PTPRD: variants seen among roughly 807,000 people sequenced by gnomAD.
The protein encoded by PTPRD is receptor-type tyrosine-protein phosphatase delta.
In PTPRD, 34 loss-of-function variants were observed where a neutral mutation model predicts 214.5. The ratio of observed to expected loss-of-function variants is 0.16; its 90% CI spans 0.12 to 0.21. The LOEUF is 0.21. Ranked by LOEUF, PTPRD falls within the 10% of genes least tolerant of loss-of-function variation. The probability of loss-of-function intolerance (pLI) is 1.00; values close to 1 mark genes in which losing one functional copy is unlikely to be tolerated. For synonymous variants in PTPRD, 1,128 were observed against 845.7 expected (o/e 1.33, Z -5.79); for missense variants, 2,545 against 2,398.7 (o/e 1.06, Z -1.27).
At chr9:10,365,081 A>G (rs992508855) in intron 2 of PTPRD, among the ~76,000 whole-genome samples, 1 of 152,110 alleles carries the variant, frequency 6.6e-6, no homozygotes, top group African/African-American at 2.4e-5. Flanking sequence ...TATTAATTTT[A>G]CCTCAGGCGA....
At chr9:9,592,321 A>T (rs1288874737) in intron 7 of PTPRD, among the ~76,000 whole-genome samples, 1 of 152,090 alleles carries the variant, frequency 6.6e-6, no homozygotes, top group Non-Finnish European at 1.5e-5. Flanking sequence ...AATTCAAACA[A>T]AACAAAAATA....
intron 14 of PTPRD, among the ~76,000 whole-genome samples, chr9:8,624,986 T>C (rs942177284): frequency 8.6e-5 from 13 of 151,952 alleles, no homozygotes; most frequent in African/African-American, 2.6e-4. Context: ...ACCATATCTA[T>C]AGATCCCTCT....
chr9:10,425,337 A>T, intron 2 of PTPRD, among the ~76,000 whole-genome samples: 1 of 151,980 alleles, frequency 6.6e-6, no homozygotes, highest in African/African-American at 2.4e-5. Context: ...CATTAAACCA[A>T]TATTTCCCTC....
chr9:10,417,482 T>C (rs906639427), intron 2 of PTPRD, among the ~76,000 whole-genome samples: 1 of 151,896 alleles, frequency 6.6e-6, no homozygotes, highest in Non-Finnish European at 1.5e-5. Context: ...AACTAAGAAG[T>C]ATAGCAAGTG....
intron 11 of PTPRD, among the ~76,000 whole-genome samples, chr9:8,809,643 T>A (rs991457616): frequency 3.3e-5 from 5 of 152,178 alleles, no homozygotes; most frequent in African/African-American, 1.2e-4. Flanking sequence ...CCTGAAAAAT[T>A]CCAGGTGTTA....
intron 3 of PTPRD, among the ~76,000 whole-genome samples, chr9:10,191,235 T>C (rs1341257587): frequency 6.6e-6 from 1 of 152,012 alleles, no homozygotes; most frequent in Non-Finnish European, 1.5e-5. Flanking sequence ...AAAATATAAT[T>C]TTTACCTCTG....
chr9:9,956,388 G>C (rs976107438), intron 4 of PTPRD, among the ~76,000 whole-genome samples: 3 of 151,652 alleles, frequency 2.0e-5, no homozygotes, highest in Non-Finnish European at 2.9e-5. Context: ...TTTTATTTCT[G>C]CACGAACCTG....
At chr9:8,570,685 C>G (rs139931019) in intron 14 of PTPRD, among the ~76,000 whole-genome samples, 16 of 151,986 alleles carry the variant, frequency 1.1e-4, no homozygotes, top group Non-Finnish European at 2.1e-4. Context: ...CCTTTTAGCT[C>G]AATGTTGTGA....
intron 2 of PTPRD, among the ~76,000 whole-genome samples, chr9:10,410,725 T>C (rs973417342): frequency 2.7e-4 from 41 of 151,918 alleles, no homozygotes; most frequent in African/African-American, 9.4e-4. Flanking sequence ...AAACCATTTT[T>C]CCCAATCTTA....
At chr9:10,254,942 AT>A (rs1411556731) in intron 3 of PTPRD, among the ~76,000 whole-genome samples, 1 of 151,986 alleles carries the variant, frequency 6.6e-6, no homozygotes, top group Non-Finnish European at 1.5e-5. Flanking sequence ...ATATATTACA[AT>A]TTTTTCACTT....
chr9:8,563,714 C>T (rs566792286), intron 14 of PTPRD, among the ~76,000 whole-genome samples: 70 of 152,122 alleles, frequency 4.6e-4, no homozygotes, highest in Admixed American at 1.1e-3. Flanking sequence ...CAGGCTGGAA[C>T]GCAGTGGCAC....
chr9:8,623,252 T>C (rs1223985599), intron 14 of PTPRD, among the ~76,000 whole-genome samples: 1 of 151,954 alleles, frequency 6.6e-6, no homozygotes, highest in African/African-American at 2.4e-5. Context: ...CTTATGGAAC[T>C]TCTAGTCTAA....
chr9:8,577,950 C>A (rs1422980935), intron 14 of PTPRD, among the ~76,000 whole-genome samples: 1 of 152,140 alleles, frequency 6.6e-6, no homozygotes, highest in South Asian at 2.1e-4. Context: ...TCAGTCTCTA[C>A]ACATAATTGA....
intron 3 of PTPRD, among the ~76,000 whole-genome samples, chr9:10,076,614 C>G (rs2098135451): frequency 6.6e-6 from 1 of 152,106 alleles, no homozygotes; most frequent in Non-Finnish European, 1.5e-5. Flanking sequence ...GTCAGCTCCT[C>G]TCACGGGCTG....
At chr9:9,456,829 T>G (rs1471857157) in intron 8 of PTPRD, among the ~76,000 whole-genome samples, 5 of 151,928 alleles carry the variant, frequency 3.3e-5, no homozygotes, top group Non-Finnish European at 5.9e-5. Context: ...TAATTTTAAC[T>G]CCTGAAGTTT....
chr9:10,608,758 G>C (rs911621440), intron 2 of PTPRD, among the ~76,000 whole-genome samples: 7 of 151,930 alleles, frequency 4.6e-5, no homozygotes, highest in East Asian at 1.9e-4. Context: ...TCTCCTAACG[G>C]GTAATGTTCA....
At chr9:8,895,502 C>T (rs963877970) in intron 11 of PTPRD, among the ~76,000 whole-genome samples, 1 of 152,162 alleles carries the variant, frequency 6.6e-6, no homozygotes, top group Admixed American at 6.6e-5. Flanking sequence ...AACTTTCAAA[C>T]AGTGTGGAAG....
chr9:8,319,756 A>G lies in PTPRD; in HGVS notation c.5670+75T>C, dbSNP rs1210870528. 3.0e-5 allele frequency: 47 copies of G among 1,555,336 alleles called. 1 individual carries two copies. The Admixed American group carries it at 7.0e-4, about 23-fold the overall frequency. Reference sequence around the variant, plus strand: ...AGTATTTTGTGTCTGGTGTTGAGAGAGTATGGAGTCCGGGAGGTCCAGGCT... The same window carrying G: ...AGTATTTTGTGTCTGGTGTTGAGAGGGTATGGAGTCCGGGAGGTCCAGGCT... On this transcript the variant is annotated intron_variant, in intron 45 of 45. Coordinates refer to ENST00000381196, the MANE Select transcript of PTPRD (RefSeq NM_002839.4).
intron 11 of PTPRD, among the ~76,000 whole-genome samples, chr9:8,870,796 G>A (rs2098285441): frequency 8.2e-6 from 1 of 121,972 alleles, no homozygotes; most frequent in Non-Finnish European, 1.6e-5. Flanking sequence ...GAGGAGGAAG[G>A]GTGGAACCCT....
Sources: allele counts gnomAD v4.1 joint callset (sites outside exome capture counted in the v4.1 genomes callset), GRCh38; gene constraint gnomAD v4.1.1; transcripts MANE v1.5; gene names NCBI Gene and HGNC (gene_info 2026-07-23, HGNC 2026-07-21).